Variants in SCD5 observed in about 807,000 individuals in gnomAD.
SCD5 encodes the protein stearoyl-CoA desaturase 5, also known as acyl-CoA-desaturase 4.
In SCD5, 20 loss-of-function variants were observed where a neutral mutation model predicts 30.4. That is an observed-to-expected ratio of 0.66 (90% confidence interval 0.46 to 0.96). The LOEUF is 0.96. SCD5 is among the 40% of genes least tolerant of loss of function. The pLI is 0.00. For missense variants in SCD5, 381 were observed against 443.3 expected (o/e 0.86, Z 1.26); for synonymous variants, 173 against 176.4 (o/e 0.98, Z 0.16).
intron 2 of SCD5, among the ~76,000 whole-genome samples, chr4:82,690,028 C>G (rs1728797737): frequency 6.6e-6 from 1 of 152,092 alleles, no homozygotes. Context: ...AGGAACTATT[C>G]CAGATGAATG....
At chr4:82,700,200 G>A (rs1182806209) in intron 2 of SCD5, among the ~76,000 whole-genome samples, 1 of 152,000 alleles carries the variant, frequency 6.6e-6, no homozygotes, top group Non-Finnish European at 1.5e-5. Context: ...ATGTGCAACA[G>A]AGTGGGACTC....
intron 3 of SCD5, among the ~76,000 whole-genome samples, chr4:82,645,223 A>G (rs562760304): frequency 1.3e-5 from 2 of 152,096 alleles, no homozygotes; most frequent in African/African-American, 4.8e-5. Context: ...CTGAGGCAGT[A>G]GGATCGCTTG....
At chr4:82,743,006 T>C (rs1420418730) in intron 1 of SCD5, among the ~76,000 whole-genome samples, 1 of 152,104 alleles carries the variant, frequency 6.6e-6, no homozygotes, top group Non-Finnish European at 1.5e-5. Context: ...GAAAGACGCG[T>C]AGACAGAGAG....
intron 2 of SCD5, among the ~76,000 whole-genome samples, chr4:82,685,734 A>C (rs1363615278): frequency 1.8e-4 from 27 of 152,012 alleles, no homozygotes; most frequent in Admixed American, 1.7e-3. Context: ...AAACAAAAAA[A>C]AAAACTAAAA....
chr4:82,642,505 G>A (rs891376024), intron 3 of SCD5, among the ~76,000 whole-genome samples: 3 of 152,126 alleles, frequency 2.0e-5, no homozygotes, highest in African/African-American at 4.8e-5. Flanking sequence ...ATACTGTCCC[G>A]TGTCTATGAC....
At chr4:82,660,451 C>CAT (rs34592878) in intron 3 of SCD5, 829,126 of 886,808 alleles carry the variant, frequency 0.93, 388,158 homozygotes, top group East Asian at 0.99. Context: ...AAATAATCAA[C>CAT]GTGTACAGGT....
chr4:82,745,876 G>C (rs1005349179), intron 1 of SCD5, among the ~76,000 whole-genome samples: 1 of 152,180 alleles, frequency 6.6e-6, no homozygotes, highest in African/African-American at 2.4e-5. Flanking sequence ...GGGCTAAGTA[G>C]AGTCAAATTC....
chr4:82,700,217 A>G (rs1460592330), intron 2 of SCD5, among the ~76,000 whole-genome samples: 1 of 151,992 alleles, frequency 6.6e-6, no homozygotes, highest in Admixed American at 6.5e-5. Context: ...ACTCCATCTC[A>G]AAAAAGATAA....
rs368870805 is a variant in SCD5, at chr4:82,631,358, C to A, written c.962G>T (p.Arg321Leu). ...ACTGCTGTCTCCAGTCCTGGCCTTC[C>A]GGGCCTCGATCATCGGCTTGGTTGC... ...KRATKPMIEA[R>L]KARTGDSSA The change falls in exon 5 of 5, where the codon CGG (arginine) becomes CTG (leucine). Residue 321 changes from arginine (R) to leucine (L), a missense_variant. Physicochemically the swap from Arg to Leu is moderately radical, Grantham distance 102. Coordinates refer to ENST00000319540, the MANE Select transcript of SCD5 (RefSeq NM_001037582.3). 1.2e-6 allele frequency: 2 copies of A among 1,613,908 alleles called. No homozygotes were observed. Among genetic ancestry groups the A allele is most frequent in the Admixed American group, 3.3e-5 (2 of 60,000 alleles).
intron 2 of SCD5, among the ~76,000 whole-genome samples, chr4:82,683,798 C>T (rs1164205187): frequency 2.0e-5 from 3 of 152,178 alleles, no homozygotes; most frequent in Non-Finnish European, 4.4e-5. Context: ...GCAGTTTCCC[C>T]TTTGCTCTCT....
chr4:82,747,523 A>G (rs1242125846), intron 1 of SCD5, among the ~76,000 whole-genome samples: 1 of 152,216 alleles, frequency 6.6e-6, no homozygotes, highest in African/African-American at 2.4e-5. Context: ...CGTTTCTCTT[A>G]TATAAAATGG....
In SCD5 at chr4:82,738,486, T is replaced by C. The variant is rs1210279916; in HGVS notation, c.233-33073A>G. On this transcript the variant is annotated intron_variant, in intron 1 of 4. Coordinates refer to ENST00000319540, the MANE Select transcript of SCD5 (RefSeq NM_001037582.3). ...TTTATTTTTTTGCCTATAAGAAAGATCCCCAGTTGGGGAAGAACACATCCC... is the reference window on the plus strand; with the variant it reads ...TTTATTTTTTTGCCTATAAGAAAGACCCCCAGTTGGGGAAGAACACATCCC... Among the ~76,000 whole-genome samples, 3 of 152,222 alleles carry C rather than the reference T, an allele frequency of 2.0e-5. 1 individual carries two copies. The highest frequency in any genetic ancestry group is 7.2e-5 in the African/African-American group (3 of 41,450).
At chr4:82,782,893 T>C (rs1197994756) in intron 1 of SCD5, among the ~76,000 whole-genome samples, 2 of 152,168 alleles carry the variant, frequency 1.3e-5, no homozygotes, top group Non-Finnish European at 1.5e-5. Flanking sequence ...TTTCAGTCAC[T>C]CTAAGGAGAG....
At chr4:82,641,063 T>C (rs1727532355) in intron 3 of SCD5, among the ~76,000 whole-genome samples, 1 of 152,034 alleles carries the variant, frequency 6.6e-6, no homozygotes, top group Non-Finnish European at 1.5e-5. Flanking sequence ...ATAAATGTAT[T>C]GGGTGCTTAC....
intron 3 of SCD5, among the ~76,000 whole-genome samples, chr4:82,676,634 G>A (rs1179309328): frequency 1.3e-5 from 2 of 152,230 alleles, no homozygotes; most frequent in Non-Finnish European, 2.9e-5. Context: ...CATTTAGGGA[G>A]GAATCTAGGA....
intron 1 of SCD5, among the ~76,000 whole-genome samples, chr4:82,747,069 G>GCCCCCCCTCC (rs151046123): frequency 2.1e-5 from 3 of 139,698 alleles, no homozygotes; most frequent in African/African-American, 2.5e-5. Context: ...TGGGCAACCT[G>GCCCCCCCTCC]CCCCCCAAGA....
At chr4:82,696,296 G>C (rs974634827) in intron 2 of SCD5, among the ~76,000 whole-genome samples, 1 of 152,216 alleles carries the variant, frequency 6.6e-6, no homozygotes, top group African/African-American at 2.4e-5. Flanking sequence ...ATAAGGCATT[G>C]AGGCAGCATT....
chr4:82,720,444 A>C lies in SCD5; in HGVS notation c.233-15031T>G, dbSNP rs1159773382. 1.3e-3 allele frequency among the ~76,000 whole-genome samples: 186 copies of C among 138,364 alleles called. 2 individuals carry two copies. The highest frequency in any genetic ancestry group is 5.5e-3 in the African/African-American group (168 of 30,306). The allele number at this position is 138,364 out of a possible 152,430, so 90.8% of individuals were successfully genotyped here. A position where few individuals can be genotyped will look rare whatever the true frequency, so the allele number is the denominator to read the frequency against. ...GCTGTCTCAAAAAAGGCAAAAATAA[A>C]AAAAAAAAAAAAAAAAAAAGACAAA... On this transcript the variant is annotated intron_variant, in intron 1 of 4. Transcript: ENST00000319540.
intron 1 of SCD5, among the ~76,000 whole-genome samples, chr4:82,756,094 C>T (rs1721228448): frequency 6.6e-6 from 1 of 152,212 alleles, no homozygotes; most frequent in Admixed American, 6.5e-5. Flanking sequence ...GAGATGCCTT[C>T]CTCCTCTGGG....
Sources: allele counts gnomAD v4.1 joint callset (sites outside exome capture counted in the v4.1 genomes callset), GRCh38; gene constraint gnomAD v4.1.1; transcripts MANE v1.5; gene names NCBI Gene and HGNC (gene_info 2026-07-23, HGNC 2026-07-21).